The following PAX7 variants were observed in gnomAD, a reference collection of about 807,000 sequenced individuals.
PAX7 encodes paired box protein Pax-7.
PAX7 carries 18 observed loss-of-function variants against 50.7 expected under a neutral mutation model. The observed-to-expected ratio is 0.36, with a 90% CI of 0.25 to 0.53. The LOEUF is 0.53. PAX7 is among the 20% of genes least tolerant of loss of function. The probability of loss-of-function intolerance (pLI) is 0.93; values close to 1 mark genes in which losing one functional copy is unlikely to be tolerated. For missense variants in PAX7, 644 were observed against 702.9 expected (o/e 0.92, Z 0.95); for synonymous variants, 310 against 290.4 (o/e 1.07, Z -0.69).
At chr1:18,639,395 A>ATATTTTT (rs1553133604) in intron 4 of PAX7, among the ~76,000 whole-genome samples, 2 of 149,228 alleles carry the variant, frequency 1.3e-5, no homozygotes, top group African/African-American at 4.9e-5. Context: ...GGCTGTTCAT[A>ATATTTTT]TTTTTTTTTT....
At chr1:18,677,976 G>A (rs1013252634) in intron 4 of PAX7, among the ~76,000 whole-genome samples, 15 of 151,876 alleles carry the variant, frequency 9.9e-5, no homozygotes, top group Non-Finnish European at 1.8e-4. Context: ...CAGCTACTCC[G>A]GAGGCTGAGG....
chr1:18,717,067 T>C (rs2089435141), intron 7 of PAX7, among the ~76,000 whole-genome samples: 1 of 151,994 alleles, frequency 6.6e-6, no homozygotes, highest in Non-Finnish European at 1.5e-5. Flanking sequence ...GCCGCGCCTT[T>C]GATCCATGGC....
At chr1:18,738,036 G>A (rs1156731627) in intron 8 of PAX7, among the ~76,000 whole-genome samples, 1 of 152,162 alleles carries the variant, frequency 6.6e-6, no homozygotes, top group Non-Finnish European at 1.5e-5. Context: ...GTGTAAATAG[G>A]GGTGAGTGTA....
chr1:18,632,431 G>T lies in PAX7; in HGVS notation c.85+743G>T, dbSNP rs1171234825. Among the ~76,000 whole-genome samples the T allele has an allele frequency of 6.6e-6, 1 of 152,262 alleles. No individual in the cohort carries two copies. Among genetic ancestry groups the T allele is most frequent in the South Asian group, 2.1e-4 (1 of 4,824 alleles). On this transcript the variant is annotated intron_variant, in intron 1 of 8. Coordinates refer to ENST00000420770, the MANE Select transcript of PAX7 (RefSeq NM_001135254.2). This position sits in a 1 kb window ranked among gnomAD's most constrained non-coding sequence, Gnocchi z 6.3. ...CGTCCTTCCTAAACATCCAGCGCCCGCCCGGGGAGACCCGATAGGACGGGC... is the reference window on the plus strand; with the variant it reads ...CGTCCTTCCTAAACATCCAGCGCCCTCCCGGGGAGACCCGATAGGACGGGC...
chr1:18,643,941 G>C (rs939794752), intron 4 of PAX7, among the ~76,000 whole-genome samples: 1 of 152,242 alleles, frequency 6.6e-6, no homozygotes, highest in Non-Finnish European at 1.5e-5. Flanking sequence ...TGGAGAGAGG[G>C]AGAGGCCGGG....
At chr1:18,642,407 G>T (rs76039356) in intron 4 of PAX7, among the ~76,000 whole-genome samples, 3,343 of 152,228 alleles carry the variant, frequency 0.022, 115 homozygotes, top group African/African-American at 0.071. Flanking sequence ...TTGAGGGAAG[G>T]GTTCCTGCAC....
chr1:18,716,843 C>A (rs1050541246), intron 7 of PAX7, among the ~76,000 whole-genome samples: 21 of 139,398 alleles, frequency 1.5e-4, no homozygotes, highest in Non-Finnish European at 1.5e-5. Context: ...CCCCTGCGCG[C>A]CCCCCTTGCC....
At chr1:18,728,717 T>C (rs1050135714) in intron 7 of PAX7, among the ~76,000 whole-genome samples, 66 of 140,396 alleles carry the variant, frequency 4.7e-4, no homozygotes, top group Non-Finnish European at 8.4e-4. Context: ...AAAAAAAAAT[T>C]AGCCGGGCTT....
At chr1:18,653,747 C>G (rs982848550) in intron 4 of PAX7, among the ~76,000 whole-genome samples, 1 of 151,876 alleles carries the variant, frequency 6.6e-6, no homozygotes, top group Admixed American at 6.6e-5. Flanking sequence ...GAGGCCAAGT[C>G]ATCTGCTTGA....
chr1:18,737,582 G>A (rs563931268), intron 8 of PAX7, among the ~76,000 whole-genome samples: 1 of 152,250 alleles, frequency 6.6e-6, no homozygotes, highest in East Asian at 1.9e-4. Context: ...ATGTGTTATT[G>A]CATGCATCTT....
At chr1:18,673,806 T>C (rs879174006) in intron 4 of PAX7, among the ~76,000 whole-genome samples, 4 of 152,140 alleles carry the variant, frequency 2.6e-5, no homozygotes, top group African/African-American at 7.2e-5. Context: ...TTTGGAGCCA[T>C]AATGAAGACA....
rs115699442 is a variant in PAX7, at chr1:18,654,828, C to T, written c.586+18457C>T. Among the ~76,000 whole-genome samples the T allele has an allele frequency of 6.8e-3, 1,042 of 152,304 alleles. 10 individuals carry two copies. Among genetic ancestry groups the T allele is most frequent in the African/African-American group, 0.024 (983 of 41,560 alleles). ...TTTTACAGATGAGGGAACTGAGGCT[C>T]AGTGAGGTAAAGTCACTTGCCTGAG... On this transcript the variant is annotated intron_variant, in intron 4 of 8. Coordinates refer to ENST00000420770, the MANE Select transcript of PAX7 (RefSeq NM_001135254.2).
At chr1:18,717,389 G>A (rs1210333874) in intron 7 of PAX7, among the ~76,000 whole-genome samples, 2 of 152,168 alleles carry the variant, frequency 1.3e-5, no homozygotes, top group Middle Eastern at 3.2e-3. Flanking sequence ...GGAGCGCCCC[G>A]TTCCCCACCC....
At chr1:18,733,106 G>C (rs904655141) in intron 7 of PAX7, among the ~76,000 whole-genome samples, 1 of 151,660 alleles carries the variant, frequency 6.6e-6, no homozygotes, top group Non-Finnish European at 1.5e-5. Context: ...AGAACCCCAG[G>C]GTAGACTCAG....
At chr1:18,683,674 T>C (rs750432520) in intron 4 of PAX7, among the ~76,000 whole-genome samples, 2 of 152,122 alleles carry the variant, frequency 1.3e-5, no homozygotes, top group Non-Finnish European at 2.9e-5. Flanking sequence ...ACCTTGTCTC[T>C]GCTAAAAATA....
At chr1:18,658,065 G>A (rs2088548431) in intron 4 of PAX7, among the ~76,000 whole-genome samples, 1 of 152,214 alleles carries the variant, frequency 6.6e-6, no homozygotes, top group Non-Finnish European at 1.5e-5. Context: ...AAAAGGAACT[G>A]CGAGCTGTTT....
chr1:18,745,216 C>G lies in PAX7; in HGVS notation c.*287C>G, dbSNP rs1570254697. The G allele has an allele frequency of 2.2e-6, 1 of 462,248 alleles. No homozygotes were observed. Among genetic ancestry groups the G allele is most frequent in the African/African-American group, 1.9e-5 (1 of 51,528 alleles). 28.6% of individuals were successfully genotyped at this position (462,248 alleles called of 1,614,324 possible). On this transcript the variant is annotated 3_prime_UTR_variant, in exon 9 of 9. Coordinates refer to ENST00000420770, the MANE Select transcript of PAX7 (RefSeq NM_001135254.2). ...AATCCCATGGTGGCCTCTGTGCCAT[C>G]TCAGGCATGGAGATTGGGGCCCACC...
chr1:18,713,818 G>T (rs979863255), intron 7 of PAX7, among the ~76,000 whole-genome samples: 1 of 152,148 alleles, frequency 6.6e-6, no homozygotes, highest in Non-Finnish European at 1.5e-5. Context: ...GGTTGGTGCC[G>T]ACCAGACAGC....
chr1:18,699,102 T>C (rs2089184503), intron 5 of PAX7, among the ~76,000 whole-genome samples: 1 of 152,200 alleles, frequency 6.6e-6, no homozygotes, highest in Non-Finnish European at 1.5e-5. Context: ...CATTCATTCA[T>C]TCGTCATTCA....
Sources: allele counts gnomAD v4.1 joint callset (sites outside exome capture counted in the v4.1 genomes callset), GRCh38; gene constraint gnomAD v4.1.1; non-coding constraint Gnocchi (gnomAD v3.1); transcripts MANE v1.5; gene names NCBI Gene and HGNC (gene_info 2026-07-23, HGNC 2026-07-21).